The following OR10J1 variants were observed in gnomAD, a reference collection of about 807,000 sequenced individuals.
OR10J1 encodes the protein olfactory receptor 10J1.
For synonymous variants in OR10J1, 202 were observed against 143.8 expected (o/e 1.40, Z -2.89); for missense variants, 474 against 376.6 (o/e 1.26, Z -2.14).
Position 159,440,221 on chromosome 1 carries a change from C to A in OR10J1, c.430C>A (p.Leu144Ile). The change falls in exon 1 of 1, where the codon CTT becomes ATT. Residue 144 changes from leucine (L) to isoleucine (I), a missense_variant. Coordinates refer to ENST00000423932, the MANE Select transcript of OR10J1 (RefSeq NM_012351.3). Reference sequence around the variant, plus strand: ...TATGAACAAGAGGCTGCGTATCCAACTTGTCCTGGGGGCCTGCAGCATTGG... The same window carrying A: ...TATGAACAAGAGGCTGCGTATCCAAATTGTCCTGGGGGCCTGCAGCATTGG... ...VIMNKRLRIQ[L>I]VLGACSIGLI... 6.2e-7 allele frequency: 1 copy of A among 1,614,148 alleles called. No homozygotes were observed. Among genetic ancestry groups the A allele is most frequent in the Non-Finnish European group, 8.5e-7 (1 of 1,180,016 alleles).
chr1:159,429,843 G>A, the OR10J1 span, among the ~76,000 whole-genome samples: 1 of 152,102 alleles, frequency 6.6e-6, no homozygotes, highest in Non-Finnish European at 1.5e-5. Flanking sequence ...TAACTGAAAG[G>A]TCCTGGTAGG....
chr1:159,398,609 T>C, the OR10J1 span, among the ~76,000 whole-genome samples: 1 of 152,070 alleles, frequency 6.6e-6, no homozygotes, highest in Non-Finnish European at 1.5e-5. Context: ...AAAAATGCAA[T>C]TGGTATACTG....
At chr1:159,411,972 A>T in the OR10J1 span, among the ~76,000 whole-genome samples, 1 of 152,190 alleles carries the variant, frequency 6.6e-6, no homozygotes, top group African/African-American at 2.4e-5. Context: ...TTAAGCTGAT[A>T]AGCAACTTCA....
the OR10J1 span, among the ~76,000 whole-genome samples, chr1:159,408,507 C>G: frequency 1.3e-5 from 2 of 151,118 alleles, no homozygotes; most frequent in South Asian, 2.1e-4. Flanking sequence ...GGAGATATAC[C>G]TAATGCTAGA....
chr1:159,423,104 A>G, the OR10J1 span, among the ~76,000 whole-genome samples: 1 of 152,152 alleles, frequency 6.6e-6, no homozygotes, highest in Non-Finnish European at 1.5e-5. Context: ...AATTTTTCAA[A>G]ACCGAAAATA....
upstream of OR10J1, chr1:159,432,922 T>C (rs911938589): frequency 7.0e-6 from 3 of 429,338 alleles, no homozygotes; most frequent in East Asian, 6.6e-5. Flanking sequence ...AGGCCTTTGC[T>C]ACTTGTGCCT....
upstream of OR10J1, among the ~76,000 whole-genome samples, chr1:159,438,464 C>A (rs1655803510): frequency 1.3e-5 from 2 of 152,342 alleles, no homozygotes; most frequent in South Asian, 4.1e-4. Context: ...CATAGAGGCA[C>A]CATACCACTC....
At chr1:159,405,097 G>C in the OR10J1 span, among the ~76,000 whole-genome samples, 7 of 152,036 alleles carry the variant, frequency 4.6e-5, no homozygotes, top group Non-Finnish European at 1.0e-4. Context: ...AGTGAAAGAG[G>C]AACCAGTAAA....
chr1:159,414,440 A>G, the OR10J1 span, among the ~76,000 whole-genome samples: 3 of 152,144 alleles, frequency 2.0e-5, no homozygotes, highest in Admixed American at 6.6e-5. Context: ...TTTATGGTCA[A>G]ACAGTATTCC....
the OR10J1 span, among the ~76,000 whole-genome samples, chr1:159,408,467 G>A: frequency 6.8e-6 from 1 of 147,578 alleles, no homozygotes; most frequent in Non-Finnish European, 1.5e-5. Flanking sequence ...GACTGTTGGG[G>A]GATGGGGGGA....
the OR10J1 span, among the ~76,000 whole-genome samples, chr1:159,410,339 TG>T: frequency 1.5e-3 from 223 of 152,318 alleles, 1 homozygote; most frequent in Non-Finnish European, 2.6e-3. Context: ...GGACTCTTTT[TG>T]GTTGGTAAGC....
chr1:159,438,739 T>G (rs1430288759), upstream of OR10J1, among the ~76,000 whole-genome samples: 1 of 152,252 alleles, frequency 6.6e-6, no homozygotes, highest in African/African-American at 2.4e-5. Context: ...CTTCTCTTTC[T>G]GAATATGCAT....
the OR10J1 span, among the ~76,000 whole-genome samples, chr1:159,404,435 G>A: frequency 6.6e-6 from 1 of 152,034 alleles, no homozygotes; most frequent in Non-Finnish European, 1.5e-5. Flanking sequence ...GATTCTGCAG[G>A]TTGTGCAGTG....
At chr1:159,429,022 G>T in the OR10J1 span, among the ~76,000 whole-genome samples, 2 of 152,190 alleles carry the variant, frequency 1.3e-5, no homozygotes, top group African/African-American at 4.8e-5. Context: ...CTTCAGAAAG[G>T]CCCATCTTGG....
At chr1:159,421,631 A>G in the OR10J1 span, among the ~76,000 whole-genome samples, 3 of 152,158 alleles carry the variant, frequency 2.0e-5, no homozygotes, top group African/African-American at 7.2e-5. Context: ...ACAGTGGTGT[A>G]GTGTCTCTAT....
chr1:159,425,567 C>T, the OR10J1 span, among the ~76,000 whole-genome samples: 2 of 151,610 alleles, frequency 1.3e-5, no homozygotes, highest in Non-Finnish European at 2.9e-5. Flanking sequence ...AACTTAATAA[C>T]AGAGTTCAAT....
chr1:159,425,098 T>C, the OR10J1 span, among the ~76,000 whole-genome samples: 4 of 152,180 alleles, frequency 2.6e-5, no homozygotes, highest in Non-Finnish European at 2.9e-5. Flanking sequence ...TAAAATTATT[T>C]CTAAAATAGA....
the OR10J1 span, among the ~76,000 whole-genome samples, chr1:159,424,729 A>C: frequency 1.3e-5 from 2 of 152,120 alleles, no homozygotes; most frequent in Non-Finnish European, 2.9e-5. Context: ...AATAAGAGAC[A>C]AAACAATGTG....
At chr1:159,436,182 C>A (rs1279409506), upstream of OR10J1, among the ~76,000 whole-genome samples, 1 of 151,786 alleles carries the variant, frequency 6.6e-6, no homozygotes, top group Non-Finnish European at 1.5e-5. Context: ...GCTCTTTAGC[C>A]CAATTCCACT....
Sources: gnomAD v4.1 joint callset for allele counts (sites outside exome capture counted in the v4.1 genomes callset) on GRCh38, gnomAD v4.1.1 for gene constraint, MANE v1.5 for transcripts, NCBI Gene and HGNC (gene_info 2026-07-23, HGNC 2026-07-21) for gene names.